CCDC14: variants seen among roughly 807,000 people sequenced by gnomAD.
CCDC14 encodes coiled-coil domain containing 14.
CCDC14 carries 71 observed loss-of-function variants against 81.4 expected under a neutral mutation model. The ratio of observed to expected loss-of-function variants is 0.87; its 90% CI spans 0.72 to 1.06. The LOEUF is 1.06. Among genes scored for constraint, CCDC14 ranks in the 50% least tolerant of loss-of-function variants. The pLI is 0.00. For synonymous variants in CCDC14, 332 were observed against 364.8 expected (o/e 0.91, Z 1.03); for missense variants, 1,046 against 1,047.3 (o/e 1.00, Z 0.02).
intron 8 of CCDC14, among the ~76,000 whole-genome samples, chr3:123,945,280 A>C (rs982042873): frequency 6.6e-6 from 1 of 152,050 alleles, no homozygotes; most frequent in African/African-American, 2.4e-5. Flanking sequence ...TCAAGTAGGA[A>C]TGTGGCTTAC....
At chr3:123,889,093 G>A in the CCDC14 span, among the ~76,000 whole-genome samples, 25 of 152,252 alleles carry the variant, frequency 1.6e-4, no homozygotes, top group East Asian at 4.8e-3. Flanking sequence ...TATAGGCATT[G>A]GGTAAATGCT....
chr3:123,959,872 A>G (rs938830780), intron 1 of CCDC14, among the ~76,000 whole-genome samples: 1 of 152,166 alleles, frequency 6.6e-6, no homozygotes, highest in Non-Finnish European at 1.5e-5. Context: ...TCATATTCAT[A>G]AATTTTTAAT....
At chr3:123,925,097 G>A (rs1247615340) in intron 12 of CCDC14, among the ~76,000 whole-genome samples, 1 of 150,682 alleles carries the variant, frequency 6.6e-6, no homozygotes, top group Non-Finnish European at 1.5e-5. Flanking sequence ...TAAGGAAAAC[G>A]TGGCATATAA....
At chr3:123,913,358 T>C, downstream of CCDC14, 4 of 982,534 alleles carry the variant, frequency 4.1e-6, no homozygotes, top group Non-Finnish European at 4.8e-6. Context: ...TACCAGGTAA[T>C]CTTAAGATTT....
intron 12 of CCDC14, among the ~76,000 whole-genome samples, chr3:123,926,756 C>T (rs2035387895): frequency 6.6e-6 from 1 of 151,978 alleles, no homozygotes; most frequent in Admixed American, 6.6e-5. Flanking sequence ...TGTACATGTA[C>T]CTTTCAGTCC....
At chr3:123,937,533 C>G (rs1244641198) in intron 9 of CCDC14, among the ~76,000 whole-genome samples, 2 of 151,868 alleles carry the variant, frequency 1.3e-5, no homozygotes, top group Admixed American at 1.3e-4. Flanking sequence ...AAAATTTATA[C>G]TGTCTTAAGT....
chr3:123,941,925 A>C (rs980031656), intron 9 of CCDC14, among the ~76,000 whole-genome samples: 3 of 152,112 alleles, frequency 2.0e-5, no homozygotes, highest in Admixed American at 1.3e-4. Flanking sequence ...TTAAAATACA[A>C]TATTCTCAGA....
chr3:123,892,793 A>C (rs1577191171), downstream of CCDC14, among the ~76,000 whole-genome samples: 1 of 152,106 alleles, frequency 6.6e-6, no homozygotes, highest in Non-Finnish European at 1.5e-5. Context: ...TACATAACCC[A>C]AAATTTATAA....
downstream of CCDC14, among the ~76,000 whole-genome samples, chr3:123,911,518 C>T (rs534229534): frequency 1.3e-4 from 20 of 152,254 alleles, no homozygotes; most frequent in African/African-American, 4.8e-4. Flanking sequence ...TGAGAAGGGG[C>T]CTGTTATCCT....
chr3:123,897,531 T>TTCCTG lies in CCDC14; in HGVS notation c.749_750insCAGGA (p.Thr251GlnfsTer5). 2.2e-6 allele frequency: 2 copies of TTCCTG among 900,346 alleles called. No homozygotes were observed. Among genetic ancestry groups the TTCCTG allele is most frequent in the South Asian group, 1.7e-5 (1 of 58,440 alleles). 55.8% of individuals were successfully genotyped at this position (900,346 alleles called of 1,614,324 possible). A position where few individuals can be genotyped will look rare whatever the true frequency, so the allele number is the denominator to read the frequency against. ...CCCACCTCTTCCTTGTTCAGAGCAG[T>TTCCTG]TCTGCTTTTCCGTAGTTCATGTACT... On this transcript the variant is annotated frameshift_variant, in exon 6 of 6. Coordinates refer to the CCDC14 transcript ENST00000479903. LOFTEE classifies it high-confidence loss of function.
Position 123,915,180 on chromosome 3 carries a change from T to C in CCDC14, c.2317A>G (p.Lys773Glu), listed in dbSNP as rs1349194550. The change falls in exon 13 of 13, where the codon AAA becomes GAA. Residue 773 changes from lysine to glutamate, a missense_variant. Lys to Glu is a moderately conservative substitution (Grantham distance 56). Coordinates refer to ENST00000409697, the MANE Select transcript of CCDC14 (RefSeq NM_001366335.1). ...ACAGGTGTACACAGTTTATTTTCTT[T>C]TCCAGAGACAGCAAGTCCGCTGTTG... ...VSNSGLAVSG[K>E]ENKLCTPVIC... is the part of the protein sequence containing the mutation. The C allele has an allele frequency of 6.2e-7, 1 of 1,613,744 alleles. No individual in the cohort carries two copies.
chr3:123,943,849 T>C (rs1231237841), intron 9 of CCDC14, among the ~76,000 whole-genome samples: 2 of 152,186 alleles, frequency 1.3e-5, no homozygotes, highest in Non-Finnish European at 2.9e-5. Context: ...TACCTTGCCC[T>C]CTGCATCTCT....
intron 5 of CCDC14, among the ~76,000 whole-genome samples, chr3:123,907,063 A>C (rs937567180): frequency 8.5e-5 from 13 of 152,290 alleles, no homozygotes; most frequent in African/African-American, 2.9e-4. Flanking sequence ...ACTTAGTCAC[A>C]AACTTTTGTC....
intron 5 of CCDC14, among the ~76,000 whole-genome samples, chr3:123,904,951 C>G (rs894391857): frequency 6.6e-6 from 1 of 152,014 alleles, no homozygotes; most frequent in African/African-American, 2.4e-5. Flanking sequence ...GATATGAAGA[C>G]ATTATAAATC....
rs186995844 is a variant in CCDC14 at position 123,937,143 on chromosome 3, A to G, written c.1344-3388T>C. Among the ~76,000 whole-genome samples the G allele has an allele frequency of 3.7e-4, 56 of 152,180 alleles. No individual in the cohort carries two copies. In the East Asian group the frequency reaches 9.4e-3, roughly 26 times the overall value. ...TTGATAGACATTTGGGTTGTTTCCT[A>G]TGAACACTCATCAACAAGTTTCTGT... On this transcript the variant is annotated intron_variant, in intron 9 of 12. Transcript: ENST00000409697.
intron 9 of CCDC14, among the ~76,000 whole-genome samples, chr3:123,935,372 T>C (rs1338005522): frequency 6.6e-6 from 1 of 152,186 alleles, no homozygotes; most frequent in Non-Finnish European, 1.5e-5. Context: ...TGTAAAATGT[T>C]CATAATCTCT....
intron 5 of CCDC14, chr3:123,952,565 T>C (rs1465377292): frequency 1.9e-6 from 1 of 518,808 alleles, no homozygotes. Context: ...TCTGCCTCCT[T>C]AGTCCCAGAA....
chr3:123,917,833 A>G (rs907716139), intron 12 of CCDC14, among the ~76,000 whole-genome samples: 1 of 152,092 alleles, frequency 6.6e-6, no homozygotes, highest in African/African-American at 2.4e-5. Flanking sequence ...TTGGCCCACC[A>G]ATTTATACTT....
intron 5 of CCDC14, among the ~76,000 whole-genome samples, chr3:123,901,901 CAT>C (rs986397238): frequency 6.6e-6 from 1 of 152,058 alleles, no homozygotes; most frequent in African/African-American, 2.4e-5. Flanking sequence ...GCCCAACAAA[CAT>C]ATGAATATGA....
Sources: gnomAD v4.1 joint callset for allele counts (sites outside exome capture counted in the v4.1 genomes callset) on GRCh38, gnomAD v4.1.1 for gene constraint, MANE v1.5 for transcripts, NCBI Gene and HGNC (gene_info 2026-07-23, HGNC 2026-07-21) for gene names.